The following CLXN variants were observed in gnomAD, a reference collection of about 807,000 sequenced individuals.
CLXN encodes calaxin, also known as EF-hand calcium binding domain 1.
chr8:48,735,150 A>C, the CLXN span: 2 of 1,613,894 alleles, frequency 1.2e-6, no homozygotes, highest in East Asian at 2.2e-5. Context: ...CTTGCGGTTC[A>C]TGTCTGGCGC....
At chr8:48,727,817 C>T in the CLXN span, among the ~76,000 whole-genome samples, 3 of 152,154 alleles carry the variant, frequency 2.0e-5, no homozygotes, top group African/African-American at 7.2e-5. Flanking sequence ...TAACATATAA[C>T]AGTGGCTTAA....
chr8:48,717,349 C>T, the CLXN span, among the ~76,000 whole-genome samples: 24 of 152,056 alleles, frequency 1.6e-4, no homozygotes, highest in Middle Eastern at 3.4e-3. Context: ...CAGCAAAAAC[C>T]CTGTAGACCA....
the CLXN span, among the ~76,000 whole-genome samples, chr8:48,721,970 GA>G: frequency 6.6e-6 from 1 of 152,080 alleles, no homozygotes; most frequent in African/African-American, 2.4e-5. Flanking sequence ...AATCTGCAAA[GA>G]AAAGGAAATA....
At chr8:48,724,590 T>A in the CLXN span, 5 of 565,600 alleles carry the variant, frequency 8.8e-6, no homozygotes, top group Non-Finnish European at 1.5e-5. Context: ...AATTGCATCT[T>A]ACACTGATGT....
the CLXN span, chr8:48,734,385 T>G: frequency 6.6e-6 from 1 of 152,230 alleles, no homozygotes; most frequent in East Asian, 1.9e-4. Context: ...CAAAGTTTCC[T>G]ATGAAATTCT....
chr8:48,714,488 G>A, the CLXN span, among the ~76,000 whole-genome samples: 586 of 152,270 alleles, frequency 3.8e-3, 2 homozygotes, highest in African/African-American at 0.012. Flanking sequence ...GGATTTTTTT[G>A]TTGTTGACAT....
the CLXN span, chr8:48,712,157 G>T: frequency 6.6e-6 from 1 of 152,184 alleles, no homozygotes; most frequent in African/African-American, 2.4e-5. Flanking sequence ...AGTGACTCAG[G>T]CTCTAAATGC....
chr8:48,735,077 A>G, the CLXN span: 4 of 1,614,110 alleles, frequency 2.5e-6, no homozygotes, highest in Non-Finnish European at 3.4e-6. Context: ...CCTGTCCAGC[A>G]CTACATTCTT....
the CLXN span, chr8:48,728,963 C>T: frequency 4.2e-6 from 4 of 948,908 alleles, no homozygotes; most frequent in Non-Finnish European, 6.3e-6. Context: ...TTGTCTGATC[C>T]ACTACCCATT....
chr8:48,729,677 G>A, the CLXN span: 2 of 1,541,874 alleles, frequency 1.3e-6, no homozygotes. Context: ...CCCATATCTG[G>A]CCCACAAATT....
the CLXN span, chr8:48,714,089 G>C: frequency 3.3e-5 from 5 of 152,234 alleles, no homozygotes; most frequent in East Asian, 9.7e-4. Flanking sequence ...CCACCCCCCC[G>C]ACAAACCCAG....
the CLXN span, among the ~76,000 whole-genome samples, chr8:48,720,144 G>A: frequency 6.6e-6 from 1 of 152,142 alleles, no homozygotes; most frequent in Non-Finnish European, 1.5e-5. Flanking sequence ...TGATAATTGT[G>A]TTAACTGTAC....
At chr8:48,711,267 A>T in the CLXN span, 1 of 152,080 alleles carries the variant, frequency 6.6e-6, no homozygotes, top group Non-Finnish European at 1.5e-5. Flanking sequence ...ACATCATCCG[A>T]GACGGCCCAA....
the CLXN span, among the ~76,000 whole-genome samples, chr8:48,726,904 T>TCTATCCAC: frequency 7.2e-6 from 1 of 138,870 alleles, no homozygotes; most frequent in Non-Finnish European, 1.5e-5. Flanking sequence ...TATCTATCTA[T>TCTATCCAC]CCACCCACCC....
the CLXN span, among the ~76,000 whole-genome samples, chr8:48,728,654 A>G: frequency 8.5e-5 from 13 of 152,254 alleles, no homozygotes; most frequent in African/African-American, 3.1e-4. Flanking sequence ...TATGAGGCTT[A>G]GTGTTTACAA....
the CLXN span, chr8:48,735,066 G>C: frequency 6.2e-7 from 1 of 1,613,604 alleles, no homozygotes; most frequent in Non-Finnish European, 8.5e-7. Context: ...AGGAGCCTCG[G>C]CCTGTCCAGC....
At chr8:48,720,511 G>C in the CLXN span, among the ~76,000 whole-genome samples, 1 of 152,184 alleles carries the variant, frequency 6.6e-6, no homozygotes, top group African/African-American at 2.4e-5. Flanking sequence ...GCTTACTAGG[G>C]TGGGGAAAAA....
the CLXN span, among the ~76,000 whole-genome samples, chr8:48,725,949 C>T: frequency 6.6e-6 from 1 of 151,934 alleles, no homozygotes; most frequent in East Asian, 1.9e-4. Context: ...TGGAGAGATC[C>T]AGAGCTCCCC....
the CLXN span, among the ~76,000 whole-genome samples, chr8:48,726,346 A>C: frequency 6.8e-6 from 1 of 146,700 alleles, no homozygotes; most frequent in African/African-American, 2.6e-5. Context: ...CCATCCACCC[A>C]TCCACCCACT....
Sources: allele counts gnomAD v4.1 joint callset (sites outside exome capture counted in the v4.1 genomes callset), GRCh38; gene constraint gnomAD v4.1.1; transcripts MANE v1.5; gene names NCBI Gene and HGNC (gene_info 2026-07-23, HGNC 2026-07-21).